The following ABCF1 variants were observed in gnomAD, a reference collection of about 807,000 sequenced individuals.
ABCF1 encodes ATP-binding cassette sub-family F member 1.
ABCF1 carries 73 observed loss-of-function variants against 126.3 expected under a neutral mutation model. The ratio of observed to expected loss-of-function variants is 0.58; its 90% CI spans 0.48 to 0.70. The LOEUF (loss-of-function observed/expected upper bound fraction) is 0.70. ABCF1 is among the 30% of genes least tolerant of loss of function. The pLI is 0.00. For synonymous variants in ABCF1, 345 were observed against 396.4 expected (o/e 0.87, Z 1.54); for missense variants, 786 against 1,057.5 (o/e 0.74, Z 3.56).
At chr6:30,585,393 C>T in intron 15 of ABCF1, 50 bp downstream of exon 15, 1 of 1,595,038 alleles carries the variant, frequency 6.3e-7, no homozygotes, top group South Asian at 1.1e-5. Context: ...CTTTCTTCCC[C>T]TTCCCTCCCT....
chr6:30,581,043 T>C (rs1175058275), intron 8 of ABCF1, among the ~76,000 whole-genome samples: 1 of 151,938 alleles, frequency 6.6e-6, no homozygotes, highest in Non-Finnish European at 1.5e-5. Flanking sequence ...ACAATCTCTA[T>C]CACATATTCT....
In ABCF1 at chr6:30,586,508, C is replaced by CT; in HGVS notation, c.1923dup (p.Lys642Ter). 4 of 1,613,388 alleles carry CT rather than the reference C, an allele frequency of 2.5e-6. No homozygotes were observed. Among genetic ancestry groups the CT allele is most frequent in the Non-Finnish European group, 3.4e-6 (4 of 1,180,032 alleles). ...TCGGCTACCAGGGACAGAAACCACT[C>CT]TTTAAGAACTTGGATTTTGGCATCG... On this transcript the variant is annotated frameshift_variant, in exon 19 of 25. Coordinates refer to ENST00000326195, the MANE Select transcript of ABCF1 (RefSeq NM_001025091.2). LOFTEE classifies it high-confidence loss of function. This position sits in a 1 kb window ranked among gnomAD's most constrained non-coding sequence, Gnocchi z 4.9.
At position 30,586,339 on chromosome 6, in the gene ABCF1, A is replaced by G; in HGVS notation, c.1885+34A>G. The G allele has an allele frequency of 6.3e-7, 1 of 1,598,392 alleles. No homozygotes were observed. Among genetic ancestry groups the G allele is most frequent in the Non-Finnish European group, 8.5e-7 (1 of 1,171,440 alleles). ...CGCGGGCCTCTGCTGCTCCACAGGA[A>G]GCACCGGAAGCATGTATGTGCACCC... On this transcript the variant is annotated intron_variant, in intron 18 of 24. Coordinates refer to ENST00000326195, the MANE Select transcript of ABCF1 (RefSeq NM_001025091.2). The surrounding 1 kb of genome is among the most constrained non-coding windows in gnomAD (Gnocchi z 4.9).
At chr6:30,577,551 A>C (rs1801568591) in intron 2 of ABCF1, 96 bp downstream of exon 2, 1 of 1,436,618 alleles carries the variant, frequency 7.0e-7, no homozygotes, top group Non-Finnish European at 9.6e-7. Context: ...AAGGGAGGAG[A>C]AAAGATCTTG....
chr6:30,583,786 A>G lies in ABCF1; in HGVS notation c.1017-19A>G. The G allele has an allele frequency of 6.2e-7, 1 of 1,613,994 alleles. No homozygotes were observed. Among genetic ancestry groups the G allele is most frequent in the Non-Finnish European group, 8.5e-7 (1 of 1,179,880 alleles). On this transcript the variant is annotated intron_variant, in intron 11 of 24. Coordinates refer to ENST00000326195, the MANE Select transcript of ABCF1 (RefSeq NM_001025091.2). The surrounding 1 kb of genome is among the most constrained non-coding windows in gnomAD (Gnocchi z 4.1). ...GATTTCTCAGTGGTGGCCAGGTCCTAATAGCTTTTATTCCCCAGCAAGGGC... is the reference window on the plus strand; with the variant it reads ...GATTTCTCAGTGGTGGCCAGGTCCTGATAGCTTTTATTCCCCAGCAAGGGC...
At chr6:30,585,781 C>T (rs1802086255) in intron 16 of ABCF1, 98 bp from the exon 17 acceptor site, 2 of 1,569,440 alleles carry the variant, frequency 1.3e-6, no homozygotes, top group Non-Finnish European at 1.7e-6. Context: ...TGTCAGAATT[C>T]CAGACAGTGA....
At chr6:30,590,106 G>A in intron 22 of ABCF1, 43 bp from the exon 23 acceptor site, 2 of 1,612,616 alleles carry the variant, frequency 1.2e-6, no homozygotes, top group East Asian at 2.2e-5. Context: ...CCTTCAGAAT[G>A]TGAGGTGCTA....
chr6:30,572,456 C>A (rs1217764913), intron 1 of ABCF1, among the ~76,000 whole-genome samples: 2 of 152,180 alleles, frequency 1.3e-5, no homozygotes, highest in African/African-American at 4.8e-5. Context: ...GGAGCATCTA[C>A]TCAGACAGGT....
In ABCF1 at chr6:30,578,578, G is replaced by A; in HGVS notation, c.489+1G>A. 2 of 1,613,018 alleles carry A rather than the reference G, an allele frequency of 1.2e-6. No individual in the cohort carries two copies. The highest frequency in any genetic ancestry group is 1.7e-6 in the Non-Finnish European group (2 of 1,179,328). ...GCCGGAGAAGAATCGGATCAATAAG[G>A]TGACAGTGGTGGCTCGATCAGTCAC... On this transcript the variant is annotated splice_donor_variant, in intron 6 of 24. Transcript: ENST00000326195. LOFTEE classifies it high-confidence loss of function.
Position 30,585,545 on chromosome 6 carries a change from C to T in ABCF1, c.1476-13C>T, listed in dbSNP as rs1802070245. On this transcript the variant is annotated splice_polypyrimidine_tract_variant and intron_variant, in intron 15 of 24. Transcript: ENST00000326195. The stretch of plus-strand genomic sequence containing the variant: ...ACCACTGTGACACTTACACCCTGTT[C>T]TCTGAAACCCAGCTACCTCCAGGGC... 9 of 1,612,818 alleles carry T rather than the reference C, an allele frequency of 5.6e-6. No homozygotes were observed. Among genetic ancestry groups the T allele is most frequent in the Non-Finnish European group, 7.6e-6 (9 of 1,180,022 alleles).
At chr6:30,578,930 G>A (rs1266265979) in intron 6 of ABCF1, among the ~76,000 whole-genome samples, 4 of 152,100 alleles carry the variant, frequency 2.6e-5, no homozygotes, top group African/African-American at 9.7e-5. Context: ...AACTTGGGAG[G>A]TGGAATTTGC....
In ABCF1 at chr6:30,585,879, T is replaced by C; in HGVS notation, c.1601T>C (p.Met534Thr). 1 of 1,601,826 alleles carries C rather than the reference T, an allele frequency of 6.2e-7. No individual in the cohort carries two copies. Among genetic ancestry groups the C allele is most frequent in the Non-Finnish European group, 8.5e-7 (1 of 1,173,912 alleles). Residue 534 changes from methionine (M) to threonine (T), a missense_variant and splice_region_variant, in exon 17 of 25, where the codon ATG (methionine) becomes ACG (threonine). This residue lies in a region of ABCF1 where 288 missense variants were observed against 423.5 expected (regional missense o/e 0.68). Coordinates refer to ENST00000326195, the MANE Select transcript of ABCF1 (RefSeq NM_001025091.2). ...TGCCTGGTCCCCTCTTCTGCCCCAG[T>C]GACCTTCAAAAAGATGTACCAGCAG... is the stretch of plus-strand genomic sequence containing the variant. ...QRLHYYRGNY[M>T]TFKKMYQQKQ... is the part of the protein sequence containing the mutation.
chr6:30,584,650 C>A lies in ABCF1; in HGVS notation c.1391+84C>A. ...TCTTTCCCTTCTCATTCTTCCAAGG[C>A]CAATAGGGAGGCTCAAGGCTTACCT... On this transcript the variant is annotated intron_variant, in intron 14 of 24. Transcript: ENST00000326195. This position sits in a 1 kb window ranked among gnomAD's most constrained non-coding sequence, Gnocchi z 4.6. The A allele has an allele frequency of 6.7e-7, 1 of 1,490,320 alleles. No individual in the cohort carries two copies. The highest frequency in any genetic ancestry group is 8.9e-7 in the Non-Finnish European group (1 of 1,120,532). The allele number at this position is 1,490,320 out of a possible 1,614,324, so 92.3% of individuals were successfully genotyped here.
rs1158795135 is a variant in ABCF1 at position 30,586,014 on chromosome 6, G to A, written c.1713+23G>A. The A allele has an allele frequency of 6.3e-7, 1 of 1,599,758 alleles. No individual in the cohort carries two copies. The stretch of plus-strand genomic sequence containing the variant: ...GCGGTGAGCACCTGAGGGACTTCTG[G>A]GCTGGGGGCCACTGTTCTCTCCTGG... On this transcript the variant is annotated intron_variant, in intron 17 of 24. Coordinates refer to ENST00000326195, the MANE Select transcript of ABCF1 (RefSeq NM_001025091.2). This position sits in a 1 kb window ranked among gnomAD's most constrained non-coding sequence, Gnocchi z 4.9.
rs1240960594 is a variant in ABCF1, at chr6:30,574,834, C to T, written c.74-2575C>T. On this transcript the variant is annotated intron_variant, in intron 1 of 24. Transcript: ENST00000326195. This position sits in a 1 kb window ranked among gnomAD's most constrained non-coding sequence, Gnocchi z 4.3. ...GCGTGCCTGGGACTTCATAAAGGAA[C>T]AGAAAGAAGCCAGTATCGAGACCAG... 6.6e-6 allele frequency among the ~76,000 whole-genome samples: 1 copy of T among 151,910 alleles called. No homozygotes were observed. Among genetic ancestry groups the T allele is most frequent in the African/African-American group, 2.4e-5 (1 of 41,350 alleles).
In ABCF1 at chr6:30,574,907, T is replaced by A. The variant is rs1801417709; in HGVS notation, c.74-2502T>A. The stretch of plus-strand genomic sequence containing the variant: ...AAGATAGGGTAGGGCCATTTTAGTC[T>A]GTGAAGCCTTTAATTATTGGAATTG... On this transcript the variant is annotated intron_variant, in intron 1 of 24. Transcript: ENST00000326195. The surrounding 1 kb of genome is among the most constrained non-coding windows in gnomAD (Gnocchi z 4.3). Among the ~76,000 whole-genome samples, 1 of 152,104 alleles carries A rather than the reference T, an allele frequency of 6.6e-6. No individual in the cohort carries two copies. The highest frequency in any genetic ancestry group is 2.4e-5 in the African/African-American group (1 of 41,434).
chr6:30,571,496 G>T lies in ABCF1; in HGVS notation c.9G>T (p.Lys3Asn), dbSNP rs770992423. MP[K>N]APKQQPPEPE... is the part of the protein sequence containing the mutation. ...CTGTAACTGCCACCGCGATGCCGAA[G>T]GCGCCCAAGCAGCAGCCGCCGGAGC... is the stretch of plus-strand genomic sequence containing the variant. Residue 3 changes from lysine to asparagine, a missense_variant, in exon 1 of 25, where the codon AAG becomes AAT. Physicochemically the swap from Lys to Asn is moderately conservative, Grantham distance 94. Coordinates refer to ENST00000326195, the MANE Select transcript of ABCF1 (RefSeq NM_001025091.2). 1 of 1,610,930 alleles carries T rather than the reference G, an allele frequency of 6.2e-7. No homozygotes were observed. Among genetic ancestry groups the T allele is most frequent in the Non-Finnish European group, 8.5e-7 (1 of 1,179,380 alleles).
At chr6:30,590,047 C>T (rs931242571) in intron 22 of ABCF1, 73 bp downstream of exon 22, 77 of 1,604,550 alleles carry the variant, frequency 4.8e-5, no homozygotes, top group Non-Finnish European at 6.0e-5. Flanking sequence ...CTAGAGGAAC[C>T]GAGAATGAGG....
In ABCF1 at chr6:30,582,390, A is replaced by G. The variant is rs774765872; in HGVS notation, c.679-4A>G. On this transcript the variant is annotated splice_polypyrimidine_tract_variant and splice_region_variant and intron_variant, in intron 8 of 24. Transcript: ENST00000326195. ...TAGTTTTGACCATCCCCGGGTTCTC[A>G]CAGGGTTCAGAGGAAGAAGGAGAAG... 1 of 1,587,374 alleles carries G rather than the reference A, an allele frequency of 6.3e-7. No individual in the cohort carries two copies. Among genetic ancestry groups the G allele is most frequent in the Non-Finnish European group, 8.6e-7 (1 of 1,158,908 alleles).
Sources: allele counts gnomAD v4.1 joint callset (sites outside exome capture counted in the v4.1 genomes callset), GRCh38; gene constraint gnomAD v4.1.1; regional missense constraint gnomAD v4.1.1; non-coding constraint Gnocchi (gnomAD v3.1); transcripts MANE v1.5; gene names NCBI Gene and HGNC (gene_info 2026-07-23, HGNC 2026-07-21).